Variants in PDE1C observed in about 807,000 individuals in gnomAD.
PDE1C encodes dual specificity calcium/calmodulin-dependent 3',5'-cyclic nucleotide phosphodiesterase 1C.
Under a neutral mutation model 93.1 loss-of-function variants are expected in PDE1C, and 62 were observed. That is an observed-to-expected ratio of 0.67 (90% CI 0.54 to 0.82). PDE1C has a LOEUF of 0.82. Ranked by LOEUF, PDE1C falls within the 40% of genes least tolerant of loss-of-function variation. The pLI is 0.00. For missense variants in PDE1C, 742 were observed against 884.6 expected (o/e 0.84, Z 2.04); for synonymous variants, 325 against 310.1 (o/e 1.05, Z -0.50).
At chr7:31,667,634 C>G in the PDE1C span, among the ~76,000 whole-genome samples, 1 of 72,084 alleles carries the variant, frequency 1.4e-5, no homozygotes, top group Non-Finnish European at 2.5e-5. Context: ...GACAAGTAAA[C>G]AAATATGAAA....
chr7:32,282,157 T>TAAAA (rs34769998), intron 1 of PDE1C, among the ~76,000 whole-genome samples: 1 of 134,690 alleles, frequency 7.4e-6, no homozygotes, highest in African/African-American at 2.7e-5. Context: ...TAAAGTATAA[T>TAAAA]AAAAAAAAAA....
intron 2 of PDE1C, among the ~76,000 whole-genome samples, chr7:31,999,732 A>T (rs895169093): frequency 6.6e-6 from 1 of 152,236 alleles, no homozygotes. Context: ...ACTTTACCAT[A>T]TACAATTTCA....
intron 1 of PDE1C, among the ~76,000 whole-genome samples, chr7:32,324,747 G>C (rs1783370697): frequency 6.6e-6 from 1 of 152,192 alleles, no homozygotes; most frequent in Admixed American, 6.5e-5. Context: ...CCAGGAACTA[G>C]AGACCAGCCT....
intron 1 of PDE1C, among the ~76,000 whole-genome samples, chr7:32,254,877 C>T (rs1224646607): frequency 6.6e-6 from 1 of 152,204 alleles, no homozygotes; most frequent in African/African-American, 2.4e-5. Flanking sequence ...TCTTCCAATT[C>T]CCCCAGACCC....
chr7:31,999,866 G>A (rs1309248473), intron 2 of PDE1C, among the ~76,000 whole-genome samples: 1 of 152,186 alleles, frequency 6.6e-6, no homozygotes, highest in Non-Finnish European at 1.5e-5. Flanking sequence ...GAGCATGGCT[G>A]TTGCTGGGGG....
intron 1 of PDE1C, among the ~76,000 whole-genome samples, chr7:32,058,977 A>AAC (rs1563264354): frequency 3.3e-5 from 5 of 152,120 alleles, no homozygotes; most frequent in South Asian, 2.1e-4. Flanking sequence ...AAAAAAAAAA[A>AAC]ACCTCATTTT....
chr7:31,711,854 G>A, the PDE1C span, among the ~76,000 whole-genome samples: 25 of 152,286 alleles, frequency 1.6e-4, no homozygotes, highest in Admixed American at 3.9e-4. Context: ...TAAAGGTAGA[G>A]ATCTCAAGCC....
chr7:32,136,939 G>GAAGAA (rs1168756515), intron 3 of PDE1C, among the ~76,000 whole-genome samples: 2 of 152,140 alleles, frequency 1.3e-5, no homozygotes, highest in African/African-American at 4.8e-5. Context: ...TAATAGAAAA[G>GAAGAA]AAGAAAACAA....
At chr7:32,248,018 A>G (rs113652617) in intron 1 of PDE1C, among the ~76,000 whole-genome samples, 2 of 152,328 alleles carry the variant, frequency 1.3e-5, no homozygotes, top group Non-Finnish European at 2.9e-5. Context: ...AAATTGACTC[A>G]ACTCAGTAAG....
At position 32,169,829 on chromosome 7, in the gene PDE1C, C is replaced by A. The variant is rs190821640; in HGVS notation, c.264G>T (p.Leu88Phe). 1.1e-4 allele frequency: 177 copies of A among 1,612,640 alleles called. No individual in the cohort carries two copies. The highest frequency in any genetic ancestry group is 6.6e-4 in the Middle Eastern group (4 of 6,060). The change falls in exon 3 of 19, where the codon TTG (leucine) becomes TTT (phenylalanine). Residue 88 changes from leucine (L) to phenylalanine (F), a missense_variant. Leu to Phe is a conservative substitution (Grantham distance 22). Coordinates refer to the PDE1C transcript ENST00000396193. ...AGACTTCTGGGCTATCCAGCTGTGG[C>A]AATTCATCAGCTAGGATCTCCTCTG...
chr7:31,849,121 G>A (rs1043911534), intron 8 of PDE1C, among the ~76,000 whole-genome samples: 5 of 152,150 alleles, frequency 3.3e-5, no homozygotes, highest in African/African-American at 9.7e-5. Context: ...TTCAAATCCC[G>A]AGGTGAAAGA....
the PDE1C span, among the ~76,000 whole-genome samples, chr7:31,735,719 G>A: frequency 6.6e-5 from 10 of 152,216 alleles, no homozygotes; most frequent in East Asian, 9.7e-4. Flanking sequence ...AAAAACAACC[G>A]TTTCTTTTTC....
chr7:32,045,181 G>C (rs2128670781), intron 2 of PDE1C, among the ~76,000 whole-genome samples: 1 of 151,402 alleles, frequency 6.6e-6, no homozygotes, highest in Non-Finnish European at 1.5e-5. Context: ...AAACTATATA[G>C]ACTCTCCATC....
chr7:32,395,179 A>G (rs760771285), intron 1 of PDE1C, among the ~76,000 whole-genome samples: 3 of 152,232 alleles, frequency 2.0e-5, no homozygotes, highest in Admixed American at 6.5e-5. Flanking sequence ...AACTGTACTC[A>G]ATGCTAGTAA....
chr7:31,831,016 T>G (rs1418040433), intron 11 of PDE1C, among the ~76,000 whole-genome samples: 1 of 152,146 alleles, frequency 6.6e-6, no homozygotes, highest in Admixed American at 6.6e-5. Context: ...CCATCTGTAT[T>G]GGAAGTTCAC....
At chr7:32,224,505 T>C (rs1343834407) in intron 1 of PDE1C, among the ~76,000 whole-genome samples, 3 of 152,176 alleles carry the variant, frequency 2.0e-5, no homozygotes, top group Non-Finnish European at 4.4e-5. Flanking sequence ...TCCTCGGGGT[T>C]GTCAGGATGA....
the PDE1C span, among the ~76,000 whole-genome samples, chr7:31,741,373 C>T: frequency 6.6e-6 from 1 of 152,078 alleles, no homozygotes; most frequent in Non-Finnish European, 1.5e-5. Context: ...ATTTTAACTT[C>T]ATATTTTTAA....
At chr7:32,112,570 C>T (rs940218734) in intron 3 of PDE1C, among the ~76,000 whole-genome samples, 1 of 151,288 alleles carries the variant, frequency 6.6e-6, no homozygotes, top group Non-Finnish European at 1.5e-5. Flanking sequence ...AATCCTTCTG[C>T]CTCAGCCTTA....
chr7:32,072,684 A>G (rs1796133349), upstream of PDE1C, among the ~76,000 whole-genome samples: 2 of 152,222 alleles, frequency 1.3e-5, no homozygotes, highest in Admixed American at 6.5e-5. Context: ...TTCTACTCTC[A>G]TGTAATACTC....
Sources: gnomAD v4.1 joint callset for allele counts (sites outside exome capture counted in the v4.1 genomes callset) on GRCh38, gnomAD v4.1.1 for gene constraint, MANE v1.5 for transcripts, NCBI Gene and HGNC (gene_info 2026-07-23, HGNC 2026-07-21) for gene names.